The following ADD2 variants were observed in gnomAD, a reference collection of about 807,000 sequenced individuals.
The protein encoded by ADD2 is adducin 2.
ADD2 carries 23 observed loss-of-function variants against 83.0 expected under a neutral mutation model. That is an observed-to-expected ratio of 0.28 (90% CI 0.20 to 0.39). The LOEUF is 0.39. ADD2 is among the 10% of genes least tolerant of loss of function. The pLI is 1.00. For missense variants in ADD2, 758 were observed against 944.9 expected (o/e 0.80, Z 2.59); for synonymous variants, 375 against 375.4 (o/e 1.00, Z 0.01).
At chr2:70,738,074 C>T (rs1574307392) in intron 1 of ADD2, among the ~76,000 whole-genome samples, 1 of 152,128 alleles carries the variant, frequency 6.6e-6, no homozygotes, top group East Asian at 1.9e-4. Flanking sequence ...CATGAGGCCT[C>T]GTGTTGTTTC....
intron 1 of ADD2, 148 bp downstream of exon 1, chr2:70,767,738 G>A: frequency 5.6e-6 from 8 of 1,434,038 alleles, no homozygotes; most frequent in Non-Finnish European, 7.3e-6. Flanking sequence ...CACCGCTGCC[G>A]GCCAGGGCTG....
At chr2:70,741,211 G>T (rs1444015751) in intron 1 of ADD2, 1 of 152,324 alleles carries the variant, frequency 6.6e-6, no homozygotes, top group Non-Finnish European at 1.5e-5. Flanking sequence ...ACACGGCAAA[G>T]AACAGTAGCT....
rs1324701553 is a variant in ADD2 at position 70,661,758 on chromosome 2, T to C, written c.*1667A>G. 1 of 152,200 alleles carries C rather than the reference T, an allele frequency of 6.6e-6. No individual in the cohort carries two copies. The highest frequency in any genetic ancestry group is 2.1e-4 in the South Asian group (1 of 4,832). The allele number at this position is 152,200 out of a possible 1,614,324, so 9.4% of individuals were successfully genotyped here. A position where few individuals can be genotyped will look rare whatever the true frequency, so the allele number is the denominator to read the frequency against. On this transcript the variant is annotated 3_prime_UTR_variant, in exon 16 of 16. Coordinates refer to ENST00000264436, the MANE Select transcript of ADD2 (RefSeq NM_001617.4). ...AACATTATGCAATGGAGAACAGTCA[T>C]AGAGACAAATCCTGGATGAAAACCA...
At chr2:70,757,431 T>C (rs964546382) in intron 1 of ADD2, among the ~76,000 whole-genome samples, 1 of 152,098 alleles carries the variant, frequency 6.6e-6, no homozygotes, top group Non-Finnish European at 1.5e-5. Context: ...AATGATATAT[T>C]TTATGAAATA....
intron 15 of ADD2, among the ~76,000 whole-genome samples, chr2:70,671,565 A>G (rs1406416304): frequency 6.6e-6 from 1 of 152,182 alleles, no homozygotes; most frequent in Non-Finnish European, 1.5e-5. Flanking sequence ...CTCTATACTT[A>G]CTACAGAGAC....
Position 70,676,477 on chromosome 2 carries a change from C to T in ADD2, c.1593+319G>A, listed in dbSNP as rs1189971526. 3 of 1,309,734 alleles carry T rather than the reference C, an allele frequency of 2.3e-6. No homozygotes were observed. The highest frequency in any genetic ancestry group is 2.9e-6 in the Non-Finnish European group (3 of 1,027,344). 81.1% of individuals were successfully genotyped at this position (1,309,734 alleles called of 1,614,324 possible). A position where few individuals can be genotyped will look rare whatever the true frequency, so the allele number is the denominator to read the frequency against. ...GTCTCCAGCCCCAAGCCTATGAGTCCCCACTTCACGGGGTAGTAAGGGAGG... is the reference window on the plus strand; with the variant it reads ...GTCTCCAGCCCCAAGCCTATGAGTCTCCACTTCACGGGGTAGTAAGGGAGG... On this transcript the variant is annotated intron_variant, in intron 13 of 15. Coordinates refer to ENST00000264436, the MANE Select transcript of ADD2 (RefSeq NM_001617.4). This position sits in a 1 kb window ranked among gnomAD's most constrained non-coding sequence, Gnocchi z 4.8.
intron 1 of ADD2, among the ~76,000 whole-genome samples, chr2:70,756,417 T>C (rs1356041630): frequency 2.0e-5 from 3 of 151,780 alleles, no homozygotes; most frequent in African/African-American, 7.2e-5. Context: ...TTCATGTGAA[T>C]TTCACCCTGG....
chr2:70,713,083 C>T lies in ADD2; in HGVS notation c.-52G>A. ...TTACTTACCGGGAGGCTGGCCCAGC[C>T]CTGTCCAAGGCTCCTTCTGTTCACT... On this transcript the variant is annotated 5_prime_UTR_variant, in exon 2 of 16. Coordinates refer to ENST00000264436, the MANE Select transcript of ADD2 (RefSeq NM_001617.4). The T allele has an allele frequency of 1.0e-6, 1 of 985,560 alleles. No individual in the cohort carries two copies. The highest frequency in any genetic ancestry group is 1.2e-6 in the Non-Finnish European group (1 of 830,076). The allele number at this position is 985,560 out of a possible 1,614,324, so 61.1% of individuals were successfully genotyped here. A position where few individuals can be genotyped will look rare whatever the true frequency, so the allele number is the denominator to read the frequency against.
intron 1 of ADD2, among the ~76,000 whole-genome samples, chr2:70,727,929 AAAT>A (rs199648957): frequency 4.7e-5 from 7 of 147,810 alleles, no homozygotes; most frequent in Non-Finnish European, 7.4e-5. Flanking sequence ...ATAAATAAAT[AAAT>A]AAAATGCAGA....
At position 70,723,392 on chromosome 2, in the gene ADD2, AT is replaced by A. The variant is rs5832028; in HGVS notation, c.-153-10209del. ...GGATTCTTAACATTACAACAATTGA[AT>A]TTTTTTTTTTTTTATCACAGTCTGG... On this transcript the variant is annotated intron_variant, in intron 1 of 15. Transcript: ENST00000264436. Among the ~76,000 whole-genome samples the A allele has an allele frequency of 2.7e-3, 393 of 148,154 alleles. 1 individual carries two copies. The highest frequency in any genetic ancestry group is 5.8e-3 in the South Asian group (27 of 4,662).
chr2:70,665,051 T>C (rs1187515759), intron 15 of ADD2, among the ~76,000 whole-genome samples: 3 of 152,126 alleles, frequency 2.0e-5, no homozygotes, highest in Non-Finnish European at 4.4e-5. Context: ...AGTGTGTGTG[T>C]TGCCACATCA....
chr2:70,672,817 A>C (rs1574220754), intron 15 of ADD2, 61 bp downstream of exon 15: 1 of 1,533,850 alleles, frequency 6.5e-7, no homozygotes, highest in African/African-American at 1.4e-5. Flanking sequence ...AAGGCAGGGC[A>C]CCTTCCCAGC....
chr2:70,712,224 A>C (rs1574275926), intron 2 of ADD2, among the ~76,000 whole-genome samples: 1 of 152,096 alleles, frequency 6.6e-6, no homozygotes, highest in South Asian at 2.1e-4. Context: ...CGGATGGATC[A>C]CCTGAAGTCA....
chr2:70,674,388 T>C (rs552243885), intron 14 of ADD2, among the ~76,000 whole-genome samples: 54 of 152,310 alleles, frequency 3.5e-4, no homozygotes, highest in African/African-American at 1.3e-3. Context: ...TGATCATTAT[T>C]ATAGCTAAAA....
chr2:70,660,034 T>C lies in ADD2; in HGVS notation c.*3391A>G, dbSNP rs13001541. ...AATACACATTTTCTCCAGTCAGATA[T>C]TGGTCAAAGTTTTCAGCCAACTTTT... On this transcript the variant is annotated 3_prime_UTR_variant, in exon 16 of 16. Transcript: ENST00000264436. 0.17 allele frequency: 25,166 copies of C among 152,200 alleles called. 2,151 individuals carry two copies. Among genetic ancestry groups the C allele is most frequent in the South Asian group, 0.24 (1,153 of 4,826 alleles). 9.4% of individuals were successfully genotyped at this position (152,200 alleles called of 1,614,324 possible).
chr2:70,721,793 C>T (rs2104439788), intron 1 of ADD2, among the ~76,000 whole-genome samples: 1 of 152,254 alleles, frequency 6.6e-6, no homozygotes, highest in East Asian at 1.9e-4. Context: ...GAAACCAGCC[C>T]AATCCCACAT....
At chr2:70,720,898 C>T (rs1672700285) in intron 1 of ADD2, among the ~76,000 whole-genome samples, 1 of 152,176 alleles carries the variant, frequency 6.6e-6, no homozygotes, top group Non-Finnish European at 1.5e-5. Context: ...CTCCCTTTCT[C>T]CTCCCTTGCC....
chr2:70,767,873 C>A lies in ADD2; in HGVS notation c.-154+13G>T, dbSNP rs1553386450. 2 of 1,535,938 alleles carry A rather than the reference C, an allele frequency of 1.3e-6. No individual in the cohort carries two copies. Among genetic ancestry groups the A allele is most frequent in the South Asian group, 2.4e-5 (2 of 84,052 alleles). On this transcript the variant is annotated intron_variant, in intron 1 of 15. Coordinates refer to ENST00000264436, the MANE Select transcript of ADD2 (RefSeq NM_001617.4). ...CCCAGGCAGCCCACCAGGCCCGCTC[C>A]CCAGACCCTTACCTCCTGCGCGGCA...
chr2:70,691,718 T>G (rs964124104), intron 7 of ADD2: 1 of 152,204 alleles, frequency 6.6e-6, no homozygotes, highest in Non-Finnish European at 1.5e-5. Context: ...CATCTTCACA[T>G]CTTAGTCCAA....
Sources: allele counts gnomAD v4.1 joint callset (sites outside exome capture counted in the v4.1 genomes callset), GRCh38; gene constraint gnomAD v4.1.1; non-coding constraint Gnocchi (gnomAD v3.1); transcripts MANE v1.5; gene names NCBI Gene and HGNC (gene_info 2026-07-23, HGNC 2026-07-21).